The following DYNC1H1 variants were observed in gnomAD, a reference collection of about 807,000 sequenced individuals.
DYNC1H1 encodes dynein cytoplasmic 1 heavy chain 1, also known as cytoplasmic dynein 1 heavy chain 1.
DYNC1H1 carries 51 observed loss-of-function variants against 527.1 expected under a neutral mutation model. The ratio of observed to expected loss-of-function variants is 0.10; its 90% CI spans 0.08 to 0.12. The LOEUF (loss-of-function observed/expected upper bound fraction) is 0.12. DYNC1H1 is among the 10% of genes least tolerant of loss of function. The pLI, the probability that DYNC1H1 is intolerant of heterozygous loss-of-function variation, is 1.00. For missense variants in DYNC1H1, 2,771 were observed against 5,971.8 expected, an observed-to-expected ratio of 0.46 and a Z score of 17.66; for synonymous variants, 2,189 against 2,278.8, an observed-to-expected ratio of 0.96 and a Z score of 1.12.
rs1385352377 is a variant in DYNC1H1 at position 102,017,962 on chromosome 14, C to T, written c.8177+458C>T. ...TCTACTAAAAATACAAAAAATTAGCCAGGCATGGTGGCAGGTGCCTGTAGT... is the reference window on the plus strand; with the variant it reads ...TCTACTAAAAATACAAAAAATTAGCTAGGCATGGTGGCAGGTGCCTGTAGT... On this transcript the variant is annotated intron_variant, in intron 40 of 77. Transcript: ENST00000360184. This position sits in a 1 kb window ranked among gnomAD's most constrained non-coding sequence, Gnocchi z 4.6. 3.6e-6 allele frequency: 1 copy of T among 277,780 alleles called. No individual in the cohort carries two copies. Among genetic ancestry groups the T allele is most frequent in the South Asian group, 3.9e-5 (1 of 25,742 alleles). The allele number at this position is 277,780 out of a possible 1,614,324, so 17.2% of individuals were successfully genotyped here.
Position 102,005,793 on chromosome 14 carries a change from A to G in DYNC1H1, c.5434-95A>G, listed in dbSNP as rs2048190423. 3 of 1,501,950 alleles carry G rather than the reference A, an allele frequency of 2.0e-6. No homozygotes were observed. Among genetic ancestry groups the G allele is most frequent in the African/African-American group, 2.8e-5 (2 of 72,592 alleles). The allele number at this position is 1,501,950 out of a possible 1,614,324, so 93.0% of individuals were successfully genotyped here. A position where few individuals can be genotyped will look rare whatever the true frequency, so the allele number is the denominator to read the frequency against. ...ACTGAAAGCCATTGTAACTGGACCT[A>G]GAACCTCAATTTCAGTTTAACAGTC... On this transcript the variant is annotated intron_variant, in intron 26 of 77. Coordinates refer to ENST00000360184, the MANE Select transcript of DYNC1H1 (RefSeq NM_001376.5). The surrounding 1 kb of genome is among the most constrained non-coding windows in gnomAD (Gnocchi z 4.0).
Position 101,965,040 on chromosome 14 carries a change from G to T in DYNC1H1, c.256+93G>T. On this transcript the variant is annotated intron_variant, in intron 1 of 77. Coordinates refer to ENST00000360184, the MANE Select transcript of DYNC1H1 (RefSeq NM_001376.5). This position sits in a 1 kb window ranked among gnomAD's most constrained non-coding sequence, Gnocchi z 4.1. ...CCGGGGTCGCAGATGTCCCCGGGAT[G>T]GGAGGAGCCCGGCAGCTGCAGATGA... 7.3e-7 allele frequency: 1 copy of T among 1,362,630 alleles called. No homozygotes were observed. Among genetic ancestry groups the T allele is most frequent in the African/African-American group, 1.5e-5 (1 of 68,252 alleles). 84.4% of individuals were successfully genotyped at this position (1,362,630 alleles called of 1,614,324 possible).
intron 17 of DYNC1H1, 31 bp downstream of exon 17, chr14:102,000,175 C>T: frequency 6.2e-7 from 1 of 1,614,140 alleles, no homozygotes; most frequent in Non-Finnish European, 8.5e-7. Context: ...GGTGGAGAAT[C>T]CCGCTCCCCA....
chr14:102,036,305 T>G lies in DYNC1H1; in HGVS notation c.10755-184T>G. 2.8e-5 allele frequency: 19 copies of G among 667,302 alleles called. No individual in the cohort carries two copies. The highest frequency in any genetic ancestry group is 5.4e-5 in the East Asian group (2 of 37,100). 41.3% of individuals were successfully genotyped at this position (667,302 alleles called of 1,614,324 possible). ...TCATGCCAATAGTTGTTCAAAAGGA[T>G]GAGGTGATGTTAGCATTAAGCATGT... On this transcript the variant is annotated intron_variant, in intron 56 of 77. Transcript: ENST00000360184. This position sits in a 1 kb window ranked among gnomAD's most constrained non-coding sequence, Gnocchi z 5.6.
At chr14:102,050,400 C>T (rs773622240) in intron 77 of DYNC1H1, 35 bp from the exon 78 acceptor site, 2 of 1,614,058 alleles carry the variant, frequency 1.2e-6, no homozygotes, top group East Asian at 2.2e-5. Context: ...CTTACTTTTC[C>T]CTTAAGCCAC....
At position 102,049,253 on chromosome 14, in the gene DYNC1H1, C is replaced by T; in HGVS notation, c.13373-187C>T. 2.7e-6 allele frequency: 2 copies of T among 754,336 alleles called. No individual in the cohort carries two copies. Among genetic ancestry groups the T allele is most frequent in the South Asian group, 3.3e-5 (2 of 61,406 alleles). 46.7% of individuals were successfully genotyped at this position (754,336 alleles called of 1,614,324 possible). ...GGTTCTGAGACATGCTCTGGACCAG[C>T]CTGAGCTAGAGCAGATGTGGTGAGG... is the stretch of plus-strand genomic sequence containing the variant. On this transcript the variant is annotated intron_variant, in intron 74 of 77. Transcript: ENST00000360184. The surrounding 1 kb of genome is among the most constrained non-coding windows in gnomAD (Gnocchi z 5.5).
chr14:101,964,708 G>C lies in DYNC1H1; in HGVS notation c.17G>C (p.Gly6Ala), dbSNP rs2047642596. Reference sequence around the variant, plus strand: ...CGCGACACCATGTCGGAGCCCGGGGGCGGCGGCGGCGAGGACGGCTCGGCC... The same window carrying C: ...CGCGACACCATGTCGGAGCCCGGGGCCGGCGGCGGCGAGGACGGCTCGGCC... MSEPG[G>A]GGGEDGSAGL... Residue 6 changes from glycine to alanine, a missense_variant, in exon 1 of 78, where the codon GGC (glycine) becomes GCC (alanine). Gly to Ala is a moderately conservative substitution (Grantham distance 60, BLOSUM62 0). Coordinates refer to ENST00000360184, the MANE Select transcript of DYNC1H1 (RefSeq NM_001376.5). This position sits in a 1 kb window ranked among gnomAD's most constrained non-coding sequence, Gnocchi z 5.5. 1 of 1,595,206 alleles carries C rather than the reference G, an allele frequency of 6.3e-7. No individual in the cohort carries two copies. Among genetic ancestry groups the C allele is most frequent in the East Asian group, 2.2e-5 (1 of 44,548 alleles).
intron 63 of DYNC1H1, 82 bp from the exon 64 acceptor site, chr14:102,040,516 C>G (rs191262758): frequency 1.7e-5 from 27 of 1,609,230 alleles, no homozygotes; most frequent in Non-Finnish European, 2.1e-5. Flanking sequence ...TCTGCGCTCT[C>G]GCGTCAGACT....
In DYNC1H1 at chr14:102,032,390, C is replaced by T; in HGVS notation, c.10002C>T (p.Asp3334=). 6.2e-7 allele frequency: 1 copy of T among 1,614,264 alleles called. No homozygotes were observed. The highest frequency in any genetic ancestry group is 1.1e-5 in the South Asian group (1 of 91,086). ...TGCTGCTGGGGGAAAGCACCACAGACTGGAAGCAGATCCGCTCCATCATCA... is the reference window on the plus strand; with the variant it reads ...TGCTGCTGGGGGAAAGCACCACAGATTGGAAGCAGATCCGCTCCATCATCA... ...ICLLLGESTT[D]WKQIRSIIMR... The change falls in exon 52 of 78, where the codon GAC becomes GAT. Residue 3334 remains aspartate, a synonymous_variant. Transcript: ENST00000360184.
At chr14:101,990,733 G>A (rs2047987360) in intron 10 of DYNC1H1, among the ~76,000 whole-genome samples, 1 of 151,892 alleles carries the variant, frequency 6.6e-6, no homozygotes, top group African/African-American at 2.4e-5. Flanking sequence ...AAATTAGGCC[G>A]GGCGCGGTGG....
Position 101,987,504 on chromosome 14 carries a change from T to C in DYNC1H1, c.2590T>C (p.Leu864=), listed in dbSNP as rs747323088. The C allele has an allele frequency of 1.9e-6, 3 of 1,614,084 alleles. No homozygotes were observed. Among genetic ancestry groups the C allele is most frequent in the Admixed American group, 1.7e-5 (1 of 60,006 alleles). ...AAAAATAGACCTAGAAGTCCGTTCC[T>C]TGGAAACTTGTATGTATGACCATAA... is the stretch of plus-strand genomic sequence containing the variant. ...EEKIDLEVRS[L]ETCMYDHKTF... The change falls in exon 9 of 78, where the codon TTG becomes CTG. Residue 864 remains leucine (L), a synonymous_variant. Coordinates refer to ENST00000360184, the MANE Select transcript of DYNC1H1 (RefSeq NM_001376.5).
chr14:102,033,271 T>G lies in DYNC1H1; in HGVS notation c.10200T>G (p.Leu3400=), dbSNP rs1171513480. The change falls in exon 54 of 78, where the codon CTT becomes CTG. Residue 3400 remains leucine (L), a splice_region_variant and synonymous_variant. Coordinates refer to ENST00000360184, the MANE Select transcript of DYNC1H1 (RefSeq NM_001376.5). The surrounding 1 kb of genome is among the most constrained non-coding windows in gnomAD (Gnocchi z 5.6). The part of the protein sequence containing the change: ...GPMVKWAIAQ[L]NYADMLKRVE... ...AGTTATCAATTGGTTCTTCCCAGCT[T>G]AACTATGCAGACATGTTAAAGAGAG... 1 of 1,614,202 alleles carries G rather than the reference T, an allele frequency of 6.2e-7. No homozygotes were observed. The highest frequency in any genetic ancestry group is 8.5e-7 in the Non-Finnish European group (1 of 1,180,044).
intron 9 of DYNC1H1, 128 bp from the exon 10 acceptor site, chr14:101,988,575 G>A (rs184488333): frequency 1.7e-6 from 2 of 1,190,514 alleles, no homozygotes; most frequent in East Asian, 2.5e-5. Context: ...TCTGAGAAGA[G>A]AGATATGAAG....
chr14:101,983,447 G>A lies in DYNC1H1; in HGVS notation c.1299G>A (p.Leu433=), dbSNP rs1566997875. The stretch of plus-strand genomic sequence containing the variant: ...ATGAGTATGAGAAACTTCAGGTATT[G>A]TTGAGAGACATCGTCAAAAGAAAAA... ...WDDEYEKLQV[L]LRDIVKRKRE... The change falls in exon 7 of 78, where the codon TTG becomes TTA. Residue 433 remains leucine, a synonymous_variant. Transcript: ENST00000360184. This position sits in a 1 kb window ranked among gnomAD's most constrained non-coding sequence, Gnocchi z 5.3. The A allele has an allele frequency of 1.2e-6, 2 of 1,614,112 alleles. No homozygotes were observed. The highest frequency in any genetic ancestry group is 1.7e-5 in the Admixed American group (1 of 60,014).
At position 102,020,082 on chromosome 14, in the gene DYNC1H1, G is replaced by C; in HGVS notation, c.8507+26G>C. 2 of 1,613,024 alleles carry C rather than the reference G, an allele frequency of 1.2e-6. No individual in the cohort carries two copies. The highest frequency in any genetic ancestry group is 1.7e-6 in the Non-Finnish European group (2 of 1,179,592). On this transcript the variant is annotated intron_variant, in intron 42 of 77. Transcript: ENST00000360184. The surrounding 1 kb of genome is among the most constrained non-coding windows in gnomAD (Gnocchi z 4.3). Reference sequence around the variant, plus strand: ...GTAAGGGAAGCCGAGGATCCAGTTGGTCCCATTCTCCCCTGCTCTGAGTTC... The same window carrying C: ...GTAAGGGAAGCCGAGGATCCAGTTGCTCCCATTCTCCCCTGCTCTGAGTTC...
In DYNC1H1 at chr14:102,036,384, T is replaced by C. The variant is rs1446630584; in HGVS notation, c.10755-105T>C. 5.3e-6 allele frequency: 8 copies of C among 1,501,280 alleles called. No individual in the cohort carries two copies. Among genetic ancestry groups the C allele is most frequent in the Non-Finnish European group, 7.4e-6 (8 of 1,084,534 alleles). 93.0% of individuals were successfully genotyped at this position (1,501,280 alleles called of 1,614,324 possible). ...TCCGGAAACCACTCTCGGGTGGTGGTAACAGCCTATCAATCAGGGTCTCTC... is the reference window on the plus strand; with the variant it reads ...TCCGGAAACCACTCTCGGGTGGTGGCAACAGCCTATCAATCAGGGTCTCTC... On this transcript the variant is annotated intron_variant, in intron 56 of 77. Coordinates refer to ENST00000360184, the MANE Select transcript of DYNC1H1 (RefSeq NM_001376.5). The surrounding 1 kb of genome is among the most constrained non-coding windows in gnomAD (Gnocchi z 5.6).
At chr14:101,999,230 G>A (rs2048103253) in intron 16 of DYNC1H1, among the ~76,000 whole-genome samples, 1 of 152,088 alleles carries the variant, frequency 6.6e-6, no homozygotes, top group Non-Finnish European at 1.5e-5. Flanking sequence ...AGGCTGGAGT[G>A]CAGTGACATG....
intron 48 of DYNC1H1, 169 bp downstream of exon 48, chr14:102,028,310 A>G: frequency 1.4e-6 from 1 of 735,390 alleles, no homozygotes; most frequent in South Asian, 1.6e-5. Flanking sequence ...CCAGGAGTTC[A>G]AGACCAGCCT....
Position 102,027,558 on chromosome 14 carries a change from G to A in DYNC1H1, c.9048+14G>A, listed in dbSNP as rs200027905. ...GCCAATGGAGAGGTAATTAGGTGAC[G>A]TGTTGCGTTGCATTACGTGTTACCG... On this transcript the variant is annotated intron_variant, in intron 46 of 77. Coordinates refer to ENST00000360184, the MANE Select transcript of DYNC1H1 (RefSeq NM_001376.5). This position sits in a 1 kb window ranked among gnomAD's most constrained non-coding sequence, Gnocchi z 7.7. The A allele has an allele frequency of 4.7e-5, 76 of 1,614,084 alleles. No homozygotes were observed. Among genetic ancestry groups the A allele is most frequent in the African/African-American group, 1.2e-4 (9 of 74,922 alleles).
Sources: allele counts gnomAD v4.1 joint callset (sites outside exome capture counted in the v4.1 genomes callset), GRCh38; gene constraint gnomAD v4.1.1; non-coding constraint Gnocchi (gnomAD v3.1); transcripts MANE v1.5; gene names NCBI Gene and HGNC (gene_info 2026-07-23, HGNC 2026-07-21).